THADA: variants seen among roughly 807,000 people sequenced by gnomAD.
THADA encodes tRNA (32-2'-O)-methyltransferase regulator THADA.
Under a neutral mutation model 219.8 loss-of-function variants are expected in THADA, and 213 were observed. That is an observed-to-expected ratio of 0.97 (90% CI 0.87 to 1.09). The LOEUF (loss-of-function observed/expected upper bound fraction) is 1.09. THADA is among the 50% of genes least tolerant of loss of function. THADA has a pLI of 0.00. For missense variants in THADA, 2,956 were observed against 2,311.3 expected (o/e 1.28, Z -5.72); for synonymous variants, 1,018 against 828.9 (o/e 1.23, Z -3.92).
chr2:43,418,993 G>T (rs1322309271), intron 28 of THADA, among the ~76,000 whole-genome samples: 5 of 152,172 alleles, frequency 3.3e-5, no homozygotes, highest in Non-Finnish European at 7.3e-5. Context: ...GGTTAAGAAG[G>T]GGAAAAATGG....
intron 20 of THADA, among the ~76,000 whole-genome samples, chr2:43,541,890 ACT>A (rs1695371195): frequency 6.6e-6 from 1 of 152,156 alleles, no homozygotes; most frequent in Non-Finnish European, 1.5e-5. Context: ...GATTAAACAA[ACT>A]CTGCCTCTCT....
chr2:43,402,955 A>T (rs952656934), intron 28 of THADA, among the ~76,000 whole-genome samples: 1 of 152,228 alleles, frequency 6.6e-6, no homozygotes, highest in African/African-American at 2.4e-5. Flanking sequence ...ACTGCCCCTC[A>T]GGGCACCCAG....
At chr2:43,552,450 TAG>T in intron 17 of THADA, 111 bp from the exon 18 acceptor site, 1 of 1,145,120 alleles carries the variant, frequency 8.7e-7, no homozygotes, top group Non-Finnish European at 1.2e-6. Context: ...AACTTTACAC[TAG>T]AGTTTTTTAA....
chr2:43,489,174 A>T (rs1290175909), intron 25 of THADA, among the ~76,000 whole-genome samples: 2 of 149,322 alleles, frequency 1.3e-5, no homozygotes, highest in Admixed American at 1.3e-4. Flanking sequence ...AGCTTTATTT[A>T]AAAAAAATTT....
rs376601359 is a variant in THADA, at chr2:43,251,900, CAT to C, written c.5297-19020_5297-19019del. ...TCTGTCATATTGTGAGCAAATTCTC[CAT>C]ATGTGTCATCTTTTCCGTGTTTCTT... On this transcript the variant is annotated intron_variant, in intron 36 of 37. Coordinates refer to ENST00000405975, the MANE Select transcript of THADA (RefSeq NM_022065.5). Among the ~76,000 whole-genome samples the C allele has an allele frequency of 4.2e-4, 64 of 152,296 alleles. No homozygotes were observed. The South Asian group carries it at 0.013, about 30-fold the overall frequency.
At position 43,286,660 on chromosome 2, in the gene THADA, G is replaced by C. The variant is rs147246559; in HGVS notation, c.5164+248C>G. On this transcript the variant is annotated intron_variant, in intron 35 of 37. Coordinates refer to ENST00000405975, the MANE Select transcript of THADA (RefSeq NM_022065.5). ...GGATTGCTTGAAACCAGGAGGTGGA[G>C]GTTGCACTAAGCCGAGATCGTACCA... Among the ~76,000 whole-genome samples, 986 of 152,188 alleles carry C rather than the reference G, an allele frequency of 6.5e-3. 1 individual carries two copies. Among genetic ancestry groups the C allele is most frequent in the South Asian group, 0.02 (98 of 4,816 alleles).
At chr2:43,584,422 G>C (rs1168842880) in intron 7 of THADA, among the ~76,000 whole-genome samples, 3 of 152,046 alleles carry the variant, frequency 2.0e-5, no homozygotes, top group African/African-American at 7.2e-5. Context: ...AAAAAGGACA[G>C]AACCCACCTT....
chr2:43,276,720 G>T (rs145959772), intron 36 of THADA, among the ~76,000 whole-genome samples: 3 of 152,144 alleles, frequency 2.0e-5, no homozygotes, highest in Non-Finnish European at 2.9e-5. Context: ...TCTCCATTTC[G>T]AATGTTGAGC....
At chr2:43,411,569 A>G (rs755760760) in intron 28 of THADA, among the ~76,000 whole-genome samples, 1 of 152,170 alleles carries the variant, frequency 6.6e-6, no homozygotes, top group Non-Finnish European at 1.5e-5. Context: ...ATGAAAAGGT[A>G]ATTGTCAACT....
At chr2:43,342,698 T>A (rs1274516860) in intron 30 of THADA, among the ~76,000 whole-genome samples, 1 of 152,242 alleles carries the variant, frequency 6.6e-6, no homozygotes, top group African/African-American at 2.4e-5. Flanking sequence ...TTATAATACT[T>A]AATATACCAG....
intron 24 of THADA, among the ~76,000 whole-genome samples, chr2:43,504,312 T>C (rs553266084): frequency 1.5e-3 from 226 of 152,316 alleles, no homozygotes; most frequent in African/African-American, 5.0e-3. Context: ...ATGTGCCATA[T>C]GACTATGTTC....
intron 31 of THADA, among the ~76,000 whole-genome samples, chr2:43,316,854 G>A (rs1678140689): frequency 6.6e-6 from 1 of 152,172 alleles, no homozygotes; most frequent in Non-Finnish European, 1.5e-5. Flanking sequence ...TTGAACCCGG[G>A]ACACGGAAGT....
rs760436314 is a variant in THADA, at chr2:43,231,046, C to G, written c.5764G>C (p.Glu1922Gln). 3 of 1,613,946 alleles carry G rather than the reference C, an allele frequency of 1.9e-6. No homozygotes were observed. Among genetic ancestry groups the G allele is most frequent in the South Asian group, 2.2e-5 (2 of 91,080 alleles). Residue 1922 changes from glutamate (E) to glutamine (Q), a missense_variant, in exon 38 of 38, where the codon GAA becomes CAA. Coordinates refer to ENST00000405975, the MANE Select transcript of THADA (RefSeq NM_022065.5). Reference protein sequence around the residue: ...LACLRLLAFLEGKEGEDTLVL... With the variant: ...LACLRLLAFLQGKEGEDTLVL... ...AGGGTGTCTTCCCCTTCCTTTCCTT[C>G]CAAAAAGGCCAGCAGCCTCAAGCAA...
At chr2:43,292,767 C>A in intron 32 of THADA, 67 bp downstream of exon 32, 1 of 1,550,732 alleles carries the variant, frequency 6.4e-7, no homozygotes, top group South Asian at 1.2e-5. Context: ...CATGATCCTA[C>A]CATTCCAGTG....
intron 36 of THADA, among the ~76,000 whole-genome samples, chr2:43,257,491 C>A (rs1377340625): frequency 6.6e-6 from 1 of 152,234 alleles, no homozygotes; most frequent in African/African-American, 2.4e-5. Context: ...TTCCGAGTCT[C>A]CTTCTCTCTT....
At chr2:43,278,230 C>A (rs765134082) in intron 36 of THADA, among the ~76,000 whole-genome samples, 3 of 152,006 alleles carry the variant, frequency 2.0e-5, no homozygotes, top group Admixed American at 6.6e-5. Context: ...AGATTACAGG[C>A]GTGAGATTAC....
At chr2:43,385,290 T>G (rs1472137757) in intron 29 of THADA, among the ~76,000 whole-genome samples, 5 of 151,980 alleles carry the variant, frequency 3.3e-5, no homozygotes, top group African/African-American at 1.2e-4. Context: ...GATATAAAAA[T>G]GACTATACAT....
chr2:43,445,794 C>G (rs1347540385), intron 26 of THADA, among the ~76,000 whole-genome samples: 2 of 152,244 alleles, frequency 1.3e-5, no homozygotes, highest in Non-Finnish European at 2.9e-5. Context: ...TTGCCTCAGC[C>G]TCCTAAGTAG....
intron 36 of THADA, among the ~76,000 whole-genome samples, chr2:43,241,295 C>T (rs1668595506): frequency 6.6e-6 from 1 of 151,722 alleles, no homozygotes; most frequent in African/African-American, 2.4e-5. Flanking sequence ...TGCCACGTGG[C>T]CCAGGTTGGT....
Sources: gnomAD v4.1 joint callset for allele counts (sites outside exome capture counted in the v4.1 genomes callset) on GRCh38, gnomAD v4.1.1 for gene constraint, MANE v1.5 for transcripts, NCBI Gene and HGNC (gene_info 2026-07-23, HGNC 2026-07-21) for gene names.